The following ELL variants were observed in gnomAD, a reference collection of about 807,000 sequenced individuals.
ELL encodes RNA polymerase II elongation factor ELL.
ELL carries 18 observed loss-of-function variants against 64.0 expected under a neutral mutation model. The ratio of observed to expected loss-of-function variants is 0.28; its 90% CI spans 0.19 to 0.42. ELL has a LOEUF of 0.42. Among genes scored for constraint, ELL ranks in the 10% least tolerant of loss-of-function variants. The pLI is 1.00. For missense variants in ELL, 797 were observed against 870.4 expected, an observed-to-expected ratio of 0.92 and a Z score of 1.06; for synonymous variants, 399 against 376.2, an observed-to-expected ratio of 1.06 and a Z score of -0.70.
At chr19:18,516,955 G>A (rs939439441) in intron 1 of ELL, among the ~76,000 whole-genome samples, 5 of 152,156 alleles carry the variant, frequency 3.3e-5, no homozygotes, top group African/African-American at 1.2e-4. Flanking sequence ...GCCTCCTGAA[G>A]CACTTCCTGG....
At chr19:18,495,635 C>T (rs1042034206) in intron 1 of ELL, among the ~76,000 whole-genome samples, 4 of 152,212 alleles carry the variant, frequency 2.6e-5, no homozygotes, top group African/African-American at 7.2e-5. Flanking sequence ...GAGTGACAGG[C>T]GGCAGTGGCT....
intron 2 of ELL, among the ~76,000 whole-genome samples, chr19:18,467,674 A>ACACAC (rs1974971598): frequency 1.3e-5 from 1 of 75,354 alleles, no homozygotes; most frequent in African/African-American, 6.1e-5. Context: ...CACACACACA[A>ACACAC]ACACAACCCC....
At chr19:18,514,169 A>G (rs1286790982) in intron 1 of ELL, among the ~76,000 whole-genome samples, 2 of 151,926 alleles carry the variant, frequency 1.3e-5, no homozygotes, top group Admixed American at 6.6e-5. Context: ...TATCTGGGAG[A>G]ATAGTCTCCC....
chr19:18,478,816 G>A (rs1975230888), intron 1 of ELL, among the ~76,000 whole-genome samples: 2 of 152,336 alleles, frequency 1.3e-5, no homozygotes, highest in South Asian at 4.1e-4. Flanking sequence ...TGGCCTGGGC[G>A]CCCACTGGGG....
intron 1 of ELL, among the ~76,000 whole-genome samples, chr19:18,498,730 G>A (rs1317574470): frequency 6.6e-6 from 1 of 152,106 alleles, no homozygotes; most frequent in Non-Finnish European, 1.5e-5. Context: ...CGGGAGGATC[G>A]CTTGAGCTCA....
chr19:18,450,362 A>G, intron 8 of ELL, 115 bp downstream of exon 8: 1 of 1,479,070 alleles, frequency 6.8e-7, no homozygotes, highest in Non-Finnish European at 9.0e-7. Flanking sequence ...CTGGGGCAAC[A>G]GGGTCCCCTC....
At chr19:18,456,838 C>T (rs1408629565) in intron 6 of ELL, among the ~76,000 whole-genome samples, 1 of 152,084 alleles carries the variant, frequency 6.6e-6, no homozygotes, top group Non-Finnish European at 1.5e-5. Flanking sequence ...ACTAGGCTAA[C>T]GGCCTGCACT....
In ELL at chr19:18,444,775, G is replaced by A. The variant is rs780217572; in HGVS notation, c.1843C>T (p.Arg615Trp). The A allele has an allele frequency of 1.4e-5, 22 of 1,606,712 alleles. No homozygotes were observed. Among genetic ancestry groups the A allele is most frequent in the Non-Finnish European group, 1.5e-5 (18 of 1,179,080 alleles). ...GGCTAGGGCCAAGCCTGCAGCTGCC[G>A]CTGGTCGTACTCGGCGATGAGCCTC... ...IKRLIAEYDQ[R>W]QLQAWP Residue 615 changes from arginine to tryptophan, a missense_variant, in exon 12 of 12, where the codon CGG becomes TGG. Physicochemically the swap from Arg to Trp is moderately radical, Grantham distance 101. Transcript: ENST00000262809.
At chr19:18,489,770 G>T (rs1975488978) in intron 1 of ELL, among the ~76,000 whole-genome samples, 1 of 152,152 alleles carries the variant, frequency 6.6e-6, no homozygotes, top group Admixed American at 6.5e-5. Flanking sequence ...CTTTCCAACT[G>T]TGAGGGCTCA....
chr19:18,477,345 C>T lies in ELL; in HGVS notation c.136-4463G>A, dbSNP rs1035448132. Among the ~76,000 whole-genome samples the T allele has an allele frequency of 4.6e-5, 7 of 152,152 alleles. 1 individual carries two copies. The highest frequency in any genetic ancestry group is 1.3e-4 in the Admixed American group (2 of 15,272). On this transcript the variant is annotated intron_variant, in intron 1 of 11. Coordinates refer to ENST00000262809, the MANE Select transcript of ELL (RefSeq NM_006532.4). ...AGCCTACAGGAAACGAACACCACCT[C>T]GGTGACCTGCGGACGACAGCAGGGG...
chr19:18,503,505 T>C (rs1176165431), intron 1 of ELL, among the ~76,000 whole-genome samples: 1 of 152,046 alleles, frequency 6.6e-6, no homozygotes, highest in Non-Finnish European at 1.5e-5. Flanking sequence ...GAACAGGCTA[T>C]TGCAGGACAC....
chr19:18,507,176 C>CA (rs1975899965), intron 1 of ELL, among the ~76,000 whole-genome samples: 1 of 152,244 alleles, frequency 6.6e-6, no homozygotes, highest in African/African-American at 2.4e-5. Context: ...AAAATAGTGC[C>CA]ACCAGGAGAG....
chr19:18,447,409 C>T (rs182837452), intron 8 of ELL, among the ~76,000 whole-genome samples: 30 of 152,374 alleles, frequency 2.0e-4, no homozygotes, highest in Admixed American at 7.2e-4. Context: ...CTGAATTGCA[C>T]GCTCCACAAG....
chr19:18,517,412 C>A (rs1976152479), intron 1 of ELL, among the ~76,000 whole-genome samples: 1 of 152,046 alleles, frequency 6.6e-6, no homozygotes, highest in Non-Finnish European at 1.5e-5. Context: ...CCACGCCTGG[C>A]TAATTTTTTT....
At chr19:18,515,677 C>G (rs1976112564) in intron 1 of ELL, among the ~76,000 whole-genome samples, 1 of 152,224 alleles carries the variant, frequency 6.6e-6, no homozygotes, top group Non-Finnish European at 1.5e-5. Flanking sequence ...CCGGAGGAAT[C>G]TGCTCAGTCA....
Position 18,443,067 on chromosome 19 carries a change from G to A in ELL, c.*1685C>T, listed in dbSNP as rs919777370. ...CTTGGACTGGTTCCCAGGGCAGAGG[G>A]GCGGGCAGTCCCGGGCTGGGACCTC... On this transcript the variant is annotated 3_prime_UTR_variant, in exon 12 of 12. Transcript: ENST00000262809. 1.3e-5 allele frequency: 3 copies of A among 232,450 alleles called. No individual in the cohort carries two copies. The highest frequency in any genetic ancestry group is 1.8e-4 in the South Asian group (1 of 5,532). The allele number at this position is 232,450 out of a possible 1,614,324, so 14.4% of individuals were successfully genotyped here. A position where few individuals can be genotyped will look rare whatever the true frequency, so the allele number is the denominator to read the frequency against.
intron 6 of ELL, among the ~76,000 whole-genome samples, chr19:18,456,266 GC>G (rs1192831742): frequency 6.6e-6 from 1 of 152,244 alleles, no homozygotes; most frequent in African/African-American, 2.4e-5. Context: ...GGGCCGTGGT[GC>G]CCACCATCCC....
intron 1 of ELL, among the ~76,000 whole-genome samples, chr19:18,482,308 CTTTTTTTTTTTTTTTTTTT>C (rs530594631): frequency 1.3e-5 from 1 of 77,578 alleles, no homozygotes; most frequent in Non-Finnish European, 2.3e-5. Context: ...CTTTTCATTC[CTTTTTTTTTTTTTTTTTTT>C]TTTTTTTTTA....
chr19:18,444,750 G>A lies in ELL; in HGVS notation c.*2C>T, dbSNP rs764492163. On this transcript the variant is annotated 3_prime_UTR_variant, in exon 12 of 12. Transcript: ENST00000262809. ...CCAGATCCCCGCCATCGGGGAGGGC[G>A]GCTAGGGCCAAGCCTGCAGCTGCCG... The A allele has an allele frequency of 2.1e-5, 34 of 1,598,552 alleles. No homozygotes were observed. The highest frequency in any genetic ancestry group is 9.4e-5 in the African/African-American group (7 of 74,810).
Sources: gnomAD v4.1 joint callset for allele counts (sites outside exome capture counted in the v4.1 genomes callset) on GRCh38, gnomAD v4.1.1 for gene constraint, MANE v1.5 for transcripts, NCBI Gene and HGNC (gene_info 2026-07-23, HGNC 2026-07-21) for gene names.